DPP10: variants seen among roughly 807,000 people sequenced by gnomAD.
The protein encoded by DPP10 is inactive dipeptidyl peptidase 10.
DPP10 carries 33 observed loss-of-function variants against 120.9 expected under a neutral mutation model. That is an observed-to-expected ratio of 0.27 (90% confidence interval 0.21 to 0.37). The LOEUF (loss-of-function observed/expected upper bound fraction) is 0.37, where lower values mean the gene tolerates loss of function less well. Ranked by LOEUF, DPP10 falls within the 10% of genes least tolerant of loss-of-function variation. The pLI is 1.00. For synonymous variants in DPP10, 337 were observed against 326.1 expected, an observed-to-expected ratio of 1.03 and a Z score of -0.36; for missense variants, 816 against 942.8, an observed-to-expected ratio of 0.87 and a Z score of 1.76.
chr2:115,604,485 A>G (rs548386853), intron 5 of DPP10, among the ~76,000 whole-genome samples: 5 of 152,158 alleles, frequency 3.3e-5, no homozygotes, highest in Non-Finnish European at 5.9e-5. Context: ...TCAATAGAAC[A>G]TAACAGCAGT....
chr2:115,705,196 T>G (rs1313403079), intron 7 of DPP10, among the ~76,000 whole-genome samples: 1 of 151,978 alleles, frequency 6.6e-6, no homozygotes, highest in Non-Finnish European at 1.5e-5. Flanking sequence ...AACTATTTGA[T>G]CAATTTTTCC....
At chr2:115,360,513 A>G (rs843404) in intron 3 of DPP10, among the ~76,000 whole-genome samples, 2,862 of 152,254 alleles carry the variant, frequency 0.019, 86 homozygotes, top group African/African-American at 0.065. Context: ...GTCAGCAGGT[A>G]TGTTCTTATT....
At chr2:115,833,182 T>A (rs1042274840) in intron 21 of DPP10, among the ~76,000 whole-genome samples, 3 of 152,198 alleles carry the variant, frequency 2.0e-5, no homozygotes, top group African/African-American at 7.2e-5. Context: ...TATAATGTCA[T>A]CTTATATATA....
chr2:115,017,393 A>T (rs1001300856), intron 1 of DPP10, among the ~76,000 whole-genome samples: 6 of 152,124 alleles, frequency 3.9e-5, no homozygotes. Flanking sequence ...GAACACTTTT[A>T]CACTGTTGGT....
intron 1 of DPP10, among the ~76,000 whole-genome samples, chr2:115,180,121 G>C (rs946997838): frequency 1.3e-5 from 2 of 152,152 alleles, no homozygotes; most frequent in Non-Finnish European, 2.9e-5. Flanking sequence ...AGGAAGTCAA[G>C]CTGCTGAATG....
At chr2:115,162,258 GA>G (rs1363529867) in intron 1 of DPP10, 1 of 1,559,494 alleles carries the variant, frequency 6.4e-7, no homozygotes. Flanking sequence ...GAGCCGCGGG[GA>G]AGGGGGCAGA....
intron 1 of DPP10, among the ~76,000 whole-genome samples, chr2:114,878,060 A>C (rs577356414): frequency 1.3e-5 from 2 of 152,230 alleles, no homozygotes; most frequent in Admixed American, 6.5e-5. Context: ...ACCAAAAAAA[A>C]CTTTAATAAC....
chr2:115,170,253 C>CT (rs376358125), intron 1 of DPP10, among the ~76,000 whole-genome samples: 4 of 151,948 alleles, frequency 2.6e-5, no homozygotes, highest in Non-Finnish European at 4.4e-5. Context: ...AAACATGGCT[C>CT]TTTTTTTTCA....
Position 115,836,694 on chromosome 2 carries a change from T to A in DPP10, c.2130T>A (p.Asn710Lys), listed in dbSNP as rs763684712. ...STYQAASVLHNVHGLKEENIL... is the reference protein window; with the variant it reads ...STYQAASVLHKVHGLKEENIL... ...TATAGGCAGCCAGTGTGCTACATAA[T>A]GTTCATGGCTTGAAAGAAGAAAATA... The change falls in exon 24 of 26, where the codon AAT becomes AAA. Residue 710 changes from asparagine (N) to lysine (K), a missense_variant. Physicochemically the swap from Asn to Lys is moderately conservative, Grantham distance 94. Around this residue, in one of 3 missense-constraint regions of DPP10, gnomAD observed 592 missense variants for 649.0 expected, o/e 0.91. Coordinates refer to ENST00000410059, the MANE Select transcript of DPP10 (RefSeq NM_020868.6). 4 of 1,613,464 alleles carry A rather than the reference T, an allele frequency of 2.5e-6. No homozygotes were observed. The highest frequency in any genetic ancestry group is 3.4e-6 in the Non-Finnish European group (4 of 1,179,768).
intron 1 of DPP10, among the ~76,000 whole-genome samples, chr2:114,729,108 T>C (rs766763019): frequency 7.9e-5 from 12 of 152,134 alleles, no homozygotes; most frequent in Non-Finnish European, 1.6e-4. Context: ...CAAGAAACAA[T>C]AAGTGGCATT....
At chr2:114,983,878 G>A (rs1481646115) in intron 1 of DPP10, among the ~76,000 whole-genome samples, 1 of 152,150 alleles carries the variant, frequency 6.6e-6, no homozygotes, top group Non-Finnish European at 1.5e-5. Context: ...TTTACCTGTT[G>A]TCATACAGGC....
intron 2 of DPP10, among the ~76,000 whole-genome samples, chr2:115,336,604 TATA>T (rs2063153006): frequency 7.8e-6 from 1 of 127,826 alleles, no homozygotes; most frequent in Non-Finnish European, 1.8e-5. Context: ...TCTCTCTATA[TATA>T]TATATATAAT....
chr2:114,872,693 G>A (rs961573065), intron 1 of DPP10, among the ~76,000 whole-genome samples: 2 of 151,996 alleles, frequency 1.3e-5, no homozygotes, highest in African/African-American at 4.8e-5. Flanking sequence ...TTTCCACTGT[G>A]CACTCATCTC....
chr2:114,741,096 A>G (rs1046359730), intron 1 of DPP10, among the ~76,000 whole-genome samples: 47 of 152,190 alleles, frequency 3.1e-4, no homozygotes, highest in Non-Finnish European at 2.4e-4. Flanking sequence ...TCTGTTATAA[A>G]GAACTTGAAG....
intron 3 of DPP10, among the ~76,000 whole-genome samples, chr2:115,434,361 T>TG (rs1558653362): frequency 6.6e-6 from 1 of 151,936 alleles, no homozygotes; most frequent in Non-Finnish European, 1.5e-5. Context: ...ACTGAACACT[T>TG]GCTTTTCACA....
intron 23 of DPP10, 53 bp downstream of exon 23, chr2:115,836,618 T>G: frequency 1.2e-6 from 2 of 1,608,716 alleles, no homozygotes; most frequent in Non-Finnish European, 1.7e-6. Flanking sequence ...TCTAAAAAAT[T>G]AGTTAAATGG....
chr2:114,981,779 G>GT (rs35685856), intron 1 of DPP10, among the ~76,000 whole-genome samples: 374 of 145,702 alleles, frequency 2.6e-3, no homozygotes, highest in African/African-American at 4.4e-3. Flanking sequence ...TTTTGTTTTT[G>GT]TTTTTTTTTT....
At chr2:115,052,478 C>T (rs942182146) in intron 1 of DPP10, among the ~76,000 whole-genome samples, 2 of 151,970 alleles carry the variant, frequency 1.3e-5, no homozygotes, top group Admixed American at 6.6e-5. Context: ...AATTCAACAC[C>T]GATAAGATAA....
chr2:114,707,101 G>C (rs1020173487), intron 1 of DPP10: 9 of 152,006 alleles, frequency 5.9e-5, no homozygotes, highest in African/African-American at 2.2e-4. Flanking sequence ...TCATCCTTTT[G>C]TTTTCTGTGT....
Sources: allele counts gnomAD v4.1 joint callset (sites outside exome capture counted in the v4.1 genomes callset), GRCh38; gene constraint gnomAD v4.1.1; regional missense constraint gnomAD v4.1.1; transcripts MANE v1.5; gene names NCBI Gene and HGNC (gene_info 2026-07-23, HGNC 2026-07-21).